Variants in MYO15B observed in about 807,000 individuals in gnomAD.
MYO15B encodes myosin XVB pseudogene.
A neutral mutation model predicts 119.3 loss-of-function variants in MYO15B; 207 were observed. The ratio of observed to expected loss-of-function variants is 1.73; its 90% confidence interval spans 1.55 to 1.95. The LOEUF (loss-of-function observed/expected upper bound fraction) is 1.95, where lower values mean the gene tolerates loss of function less well. MYO15B is among the 30% of genes most tolerant of loss of function. The probability of loss-of-function intolerance (pLI) is 0.00; values close to 1 mark genes in which losing one functional copy is unlikely to be tolerated. For synonymous variants in MYO15B, 966 were observed against 498.9 expected, an observed-to-expected ratio of 1.94 and a Z score of -12.48; for missense variants, 2,264 against 1,203.1, an observed-to-expected ratio of 1.88 and a Z score of -13.04.
At chr17:75,616,985 C>G in intron 40 of MYO15B, 24 bp downstream of exon 40, 1 of 702,818 alleles carries the variant, frequency 1.4e-6, no homozygotes, top group Non-Finnish European at 2.6e-6. Flanking sequence ...CCTGTCTCCC[C>G]CAGAGTGTGT....
In MYO15B at chr17:75,626,234, T is replaced by C. The variant is rs1171606692; in HGVS notation, c.9213+6T>C. ...TCTGGTTTGAGCTGCCACAGGTGAGTGGCCAGGCCTCTGGCCACCTTGCGA... is the reference window on the plus strand; with the variant it reads ...TCTGGTTTGAGCTGCCACAGGTGAGCGGCCAGGCCTCTGGCCACCTTGCGA... On this transcript the variant is annotated splice_donor_region_variant and intron_variant, in intron 63 of 63. Coordinates refer to ENST00000645453, the Ensembl canonical transcript of MYO15B. The C allele has an allele frequency of 1.4e-6, 1 of 702,688 alleles. No individual in the cohort carries two copies. The allele number at this position is 702,688 out of a possible 1,614,324, so 43.5% of individuals were successfully genotyped here. A position where few individuals can be genotyped will look rare whatever the true frequency, so the allele number is the denominator to read the frequency against.
exon 60 of MYO15B, chr17:75,625,231 C>A (rs2058965022): frequency 1.4e-6 from 1 of 699,858 alleles, no homozygotes; most frequent in Non-Finnish European, 2.6e-6. Flanking sequence ...CAGGAATACC[C>A]CCTCAGGGTG....
At chr17:75,621,745 G>A (rs988033761) in intron 52 of MYO15B, 175 bp downstream of exon 52, 19 of 603,878 alleles carry the variant, frequency 3.1e-5, no homozygotes, top group Admixed American at 8.4e-5. Context: ...CCACTCAAGG[G>A]TTGTGGGTTG....
chr17:75,606,759 C>T (rs986632894), intron 21 of MYO15B, among the ~76,000 whole-genome samples: 1 of 152,176 alleles, frequency 6.6e-6, no homozygotes, highest in African/African-American at 2.4e-5. Context: ...AGGTGTGAGC[C>T]ACCGTGCCCA....
intron 1 of MYO15B, 128 bp from the exon 2 acceptor site, chr17:75,590,498 C>G: frequency 2.6e-6 from 1 of 381,486 alleles, no homozygotes; most frequent in Non-Finnish European, 4.6e-6. Flanking sequence ...GACAGCTCAG[C>G]CCCCATTTTA....
chr17:75,593,656 A>ATG, intron 9 of MYO15B, among the ~76,000 whole-genome samples: 1 of 151,264 alleles, frequency 6.6e-6, no homozygotes, highest in Non-Finnish European at 1.5e-5. Context: ...GTGGTGGCTC[A>ATG]TGCCTGTAAT....
chr17:75,613,147 C>T (rs2058134032), exon 27 of MYO15B: 1 of 702,552 alleles, frequency 1.4e-6, no homozygotes, highest in East Asian at 2.7e-5. Context: ...GTGGCTGGGC[C>T]CTCATGGCTG....
chr17:75,609,424 C>T (rs564855782), intron 21 of MYO15B, among the ~76,000 whole-genome samples: 3 of 151,736 alleles, frequency 2.0e-5, no homozygotes, highest in Admixed American at 2.0e-4. Context: ...ATTCTCCTTC[C>T]TCAGCCTCTT....
chr17:75,625,063 C>T (rs2058949681), intron 59 of MYO15B, 60 bp from the exon 60 acceptor site: 2 of 661,140 alleles, frequency 3.0e-6, no homozygotes, highest in Middle Eastern at 2.6e-4. Context: ...GCCTCTAGAG[C>T]CACCAACTGA....
exon 31 of MYO15B, chr17:75,614,617 G>A: frequency 1.4e-6 from 1 of 701,100 alleles, no homozygotes; most frequent in Non-Finnish European, 2.6e-6. Context: ...TGGCATTCAG[G>A]CCCCCTCACT....
At chr17:75,600,440 T>TG (rs973540963) in intron 14 of MYO15B, among the ~76,000 whole-genome samples, 30 of 151,676 alleles carry the variant, frequency 2.0e-4, no homozygotes, top group Non-Finnish European at 3.2e-4. Context: ...CTTTTTTTTT[T>TG]TTTGTTTAAG....
At chr17:75,595,141 T>TG (rs939572838) in intron 12 of MYO15B, 169 bp downstream of exon 12, 4 of 611,226 alleles carry the variant, frequency 6.5e-6, no homozygotes, top group African/African-American at 5.5e-5. Flanking sequence ...CCTGCTGGGG[T>TG]GGGGTGCAGG....
At chr17:75,596,836 C>T (rs888729217) in exon 14 of MYO15B, 4 of 702,890 alleles carry the variant, frequency 5.7e-6, no homozygotes, top group African/African-American at 5.2e-5. Flanking sequence ...CCTGCCTAGA[C>T]CTCCTGGTAG....
Position 75,624,465 on chromosome 17 carries a change from C to T in MYO15B, c.8445+18C>T, listed in dbSNP as rs952955578. The T allele has an allele frequency of 1.4e-6, 1 of 702,830 alleles. No homozygotes were observed. The highest frequency in any genetic ancestry group is 1.7e-5 in the African/African-American group (1 of 57,260). The allele number at this position is 702,830 out of a possible 1,614,324, so 43.5% of individuals were successfully genotyped here. A position where few individuals can be genotyped will look rare whatever the true frequency, so the allele number is the denominator to read the frequency against. On this transcript the variant is annotated intron_variant, in intron 57 of 63. Coordinates refer to ENST00000645453, the Ensembl canonical transcript of MYO15B. Reference sequence around the variant, plus strand: ...CTTTCACAGTGAGCTTGGGGGCCACCAAGGGAGGAGGCCTTGGGCATCAGT... The same window carrying T: ...CTTTCACAGTGAGCTTGGGGGCCACTAAGGGAGGAGGCCTTGGGCATCAGT...
chr17:75,594,737 G>C (rs909298889), exon 11 of MYO15B: 1 of 703,094 alleles, frequency 1.4e-6, no homozygotes, highest in East Asian at 2.7e-5. Context: ...ATCCCTGCCC[G>C]TGGAAAGTGC....
In MYO15B at chr17:75,616,066, C is replaced by G; in HGVS notation, c.6031-3C>G. 1.7e-6 allele frequency: 1 copy of G among 579,742 alleles called. No individual in the cohort carries two copies. Among genetic ancestry groups the G allele is most frequent in the Non-Finnish European group, 3.1e-6 (1 of 326,592 alleles). The allele number at this position is 579,742 out of a possible 1,614,324, so 35.9% of individuals were successfully genotyped here. A position where few individuals can be genotyped will look rare whatever the true frequency, so the allele number is the denominator to read the frequency against. ...AGCTGCCACTCATTTCTGCTTCTGCCAGGAGACCTCCGAGGAGGCTGAAGA... is the reference window on the plus strand; with the variant it reads ...AGCTGCCACTCATTTCTGCTTCTGCGAGGAGACCTCCGAGGAGGCTGAAGA... On this transcript the variant is annotated splice_region_variant and splice_polypyrimidine_tract_variant and intron_variant, in intron 36 of 63. Transcript: ENST00000645453.
chr17:75,602,091 G>A (rs533664029), intron 15 of MYO15B, among the ~76,000 whole-genome samples: 1 of 152,170 alleles, frequency 6.6e-6, no homozygotes, highest in Non-Finnish European at 1.5e-5. Flanking sequence ...AAGGGCAGTA[G>A]GGAGAATCAG....
intron 43 of MYO15B, among the ~76,000 whole-genome samples, chr17:75,618,635 C>T (rs2058520535): frequency 6.6e-6 from 1 of 152,196 alleles, no homozygotes; most frequent in Non-Finnish European, 1.5e-5. Context: ...GGTGACAGAG[C>T]GAGACTGTGT....
chr17:75,614,765 C>A lies in MYO15B; in HGVS notation c.5483-8C>A, dbSNP rs977221243. 1.4e-6 allele frequency: 1 copy of A among 702,840 alleles called. No individual in the cohort carries two copies. The highest frequency in any genetic ancestry group is 1.7e-5 in the African/African-American group (1 of 57,390). 43.5% of individuals were successfully genotyped at this position (702,840 alleles called of 1,614,324 possible). ...GGCCATGGCTCCAACCCTCTCCCTG[C>A]CCCACAGGGGAGGTCCAGAGGTCAG... On this transcript the variant is annotated splice_region_variant and splice_polypyrimidine_tract_variant and intron_variant, in intron 31 of 63. Coordinates refer to ENST00000645453, the Ensembl canonical transcript of MYO15B.
Sources: allele counts gnomAD v4.1 joint callset (sites outside exome capture counted in the v4.1 genomes callset), GRCh38; gene constraint gnomAD v4.1.1; transcripts MANE v1.5; gene names NCBI Gene and HGNC (gene_info 2026-07-23, HGNC 2026-07-21).